Variants in MS4A13 observed in about 807,000 individuals in gnomAD.
The protein encoded by MS4A13 is membrane spanning 4-domains A13.
MS4A13 carries 21 observed loss-of-function variants against 18.4 expected under a neutral mutation model. That is an observed-to-expected ratio of 1.14 (90% CI 0.81 to 1.64). The LOEUF is 1.64. MS4A13 is among the 40% of genes most tolerant of loss of function. MS4A13 has a pLI of 0.00. For synonymous variants in MS4A13, 62 were observed against 57.2 expected (o/e 1.08, Z -0.38); for missense variants, 173 against 176.8 (o/e 0.98, Z 0.12).
At chr11:60,538,204 A>G (rs960319466) in intron 6 of MS4A13, among the ~76,000 whole-genome samples, 2 of 151,226 alleles carry the variant, frequency 1.3e-5, no homozygotes, top group Non-Finnish European at 3.0e-5. Flanking sequence ...AAAAAAAAAA[A>G]CAAAGTTGAA....
chr11:60,519,643 T>C (rs530168763), intron 3 of MS4A13, among the ~76,000 whole-genome samples: 6 of 152,228 alleles, frequency 3.9e-5, no homozygotes, highest in Non-Finnish European at 7.3e-5. Flanking sequence ...TATGCCTTCC[T>C]CAGGCCATGT....
intron 4 of MS4A13, among the ~76,000 whole-genome samples, 192 bp from the exon 5 acceptor site, chr11:60,525,015 T>C (rs1002353499): frequency 6.6e-6 from 1 of 152,208 alleles, no homozygotes; most frequent in East Asian, 1.9e-4. Flanking sequence ...AATGGACTGA[T>C]GGTGTTAATG....
At chr11:60,541,552 G>C (rs1031061437) in intron 6 of MS4A13, among the ~76,000 whole-genome samples, 5 of 152,040 alleles carry the variant, frequency 3.3e-5, no homozygotes, top group African/African-American at 1.2e-4. Flanking sequence ...TTTGAAACCA[G>C]GTAAAACTAA....
chr11:60,518,247 C>T, intron 3 of MS4A13, 35 bp downstream of exon 3: 2 of 1,522,750 alleles, frequency 1.3e-6, no homozygotes, highest in Non-Finnish European at 1.8e-6. Flanking sequence ...TTTAATCATA[C>T]AATAAATAAT....
At chr11:60,529,278 C>G in intron 5 of MS4A13, 87 bp from the exon 6 acceptor site, 1 of 109,892 alleles carries the variant, frequency 9.1e-6, no homozygotes, top group Non-Finnish European at 1.7e-5. Context: ...TTTTTTTTGA[C>G]TCTCATACCA....
chr11:60,528,160 TTTTAGC>T (rs1401896347), intron 5 of MS4A13, among the ~76,000 whole-genome samples: 2 of 147,148 alleles, frequency 1.4e-5, no homozygotes, highest in Non-Finnish European at 3.0e-5. Flanking sequence ...CAAATATGTA[TTTTAGC>T]TTTACTCTAC....
At chr11:60,531,299 C>T (rs182635624) in intron 6 of MS4A13, among the ~76,000 whole-genome samples, 66 of 152,272 alleles carry the variant, frequency 4.3e-4, no homozygotes, top group Non-Finnish European at 6.9e-4. Flanking sequence ...AAAAAATTTA[C>T]TAGCAACCAA....
In MS4A13 at chr11:60,529,439, A is replaced by T; in HGVS notation, c.381A>T (p.Ser127=). The change falls in exon 6 of 7, where the codon TCA becomes TCT. Residue 127 remains serine (S), a synonymous_variant. Transcript: ENST00000378186. ...AATTTTCTATTGCACTTACACACTC[A>T]ATATACAGCTGTTCCAATTTGGTAA... ...GLEFSIALTH[S]IYSCSNLFRR... is the part of the protein sequence containing the mutation. The T allele has an allele frequency of 1.2e-6, 2 of 1,603,972 alleles. No individual in the cohort carries two copies. Among genetic ancestry groups the T allele is most frequent in the Non-Finnish European group, 1.7e-6 (2 of 1,175,022 alleles).
intron 6 of MS4A13, among the ~76,000 whole-genome samples, chr11:60,540,329 C>T (rs1457377739): frequency 6.6e-6 from 1 of 152,098 alleles, no homozygotes. Flanking sequence ...GCTTGCCAAC[C>T]CTTCTTCAAT....
chr11:60,523,973 G>C lies in MS4A13; in HGVS notation c.186+20G>C. ...TCTGGAGTAAGTTGAAATGTTTGAG[G>C]TATCTCTAGAAATCACTTATCACAA... On this transcript the variant is annotated intron_variant, in intron 4 of 6. Coordinates refer to ENST00000378186, the MANE Select transcript of MS4A13 (RefSeq NM_001012417.3). 1 of 1,438,472 alleles carries C rather than the reference G, an allele frequency of 7.0e-7. No homozygotes were observed. Among genetic ancestry groups the C allele is most frequent in the Non-Finnish European group, 9.8e-7 (1 of 1,023,410 alleles). 89.1% of individuals were successfully genotyped at this position (1,438,472 alleles called of 1,614,324 possible).
chr11:60,529,383 T>C lies in MS4A13; in HGVS notation c.325T>C (p.Ser109Pro). ...GTTATAGAAACTTGGGAGGGAAGTATCACGTATTTTACTGTTCTTCTACGG... is the reference window on the plus strand; with the variant it reads ...GTTATAGAAACTTGGGAGGGAAGTACCACGTATTTTACTGTTCTTCTACGG... ...YGQAKLGREV[S>P]RILLFFYGLE... The change falls in exon 6 of 7, where the codon TCA becomes CCA. Residue 109 changes from serine to proline, a missense_variant. Transcript: ENST00000378186. 1 of 1,602,336 alleles carries C rather than the reference T, an allele frequency of 6.2e-7. No individual in the cohort carries two copies. Among genetic ancestry groups the C allele is most frequent in the Middle Eastern group, 1.7e-4 (1 of 5,738 alleles).
chr11:60,532,340 C>T lies in MS4A13; in HGVS notation c.402+2880C>T, dbSNP rs902515807. Among the ~76,000 whole-genome samples, 8 of 152,164 alleles carry T rather than the reference C, an allele frequency of 5.3e-5. No individual in the cohort carries two copies. The East Asian group carries it at 5.8e-4, about 11-fold the overall frequency. ...GCACCGTGCGCGAGCCGAAGCAGGG[C>T]GAGGCATTGCCTCACCTGGGAAGCT... On this transcript the variant is annotated intron_variant, in intron 6 of 6. Coordinates refer to ENST00000378186, the MANE Select transcript of MS4A13 (RefSeq NM_001012417.3).
At chr11:60,543,271 A>G (rs563617844), downstream of MS4A13, among the ~76,000 whole-genome samples, 1 of 152,302 alleles carries the variant, frequency 6.6e-6, no homozygotes, top group African/African-American at 2.4e-5. Flanking sequence ...ATGGAATATT[A>G]CTTCAGAAAG....
At chr11:60,532,428 C>T (rs556992354) in intron 6 of MS4A13, among the ~76,000 whole-genome samples, 15 of 152,184 alleles carry the variant, frequency 9.9e-5, no homozygotes, top group Admixed American at 5.9e-4. Context: ...CCTGGAAAAT[C>T]GGGTCACTCC....
At chr11:60,519,518 A>G (rs1184835331) in intron 3 of MS4A13, among the ~76,000 whole-genome samples, 9 of 152,150 alleles carry the variant, frequency 5.9e-5, no homozygotes, top group Admixed American at 5.9e-4. Flanking sequence ...GCAAGAGAAT[A>G]TGAAATAATC....
At chr11:60,527,035 G>A (rs895661028) in intron 5 of MS4A13, among the ~76,000 whole-genome samples, 1 of 151,956 alleles carries the variant, frequency 6.6e-6, no homozygotes, top group African/African-American at 2.4e-5. Flanking sequence ...TTTCTACTTG[G>A]CTATGTTTCT....
At chr11:60,532,651 G>C (rs1397561887) in intron 6 of MS4A13, among the ~76,000 whole-genome samples, 2 of 151,404 alleles carry the variant, frequency 1.3e-5, no homozygotes, top group Admixed American at 6.6e-5. Context: ...CTGGAAGCTC[G>C]AACTGGGTGG....
chr11:60,538,537 A>G (rs544311843), intron 6 of MS4A13, among the ~76,000 whole-genome samples: 6 of 151,980 alleles, frequency 3.9e-5, no homozygotes, highest in African/African-American at 1.4e-4. Flanking sequence ...CCATAAATAT[A>G]TCTGCAATGA....
At position 60,529,423 on chromosome 11, in the gene MS4A13, T is replaced by A; in HGVS notation, c.365T>A (p.Ile122Asn). The change falls in exon 6 of 7, where the codon ATT (isoleucine) becomes AAT (asparagine). Residue 122 changes from isoleucine to asparagine, a missense_variant. By Grantham distance (149) the Ile-to-Asn change is moderately radical. Coordinates refer to ENST00000378186, the MANE Select transcript of MS4A13 (RefSeq NM_001012417.3). The part of the protein sequence containing the change: ...LLFFYGLEFS[I>N]ALTHSIYSCS... The stretch of plus-strand genomic sequence containing the variant: ...TTCTTCTACGGTTTGGAATTTTCTA[T>A]TGCACTTACACACTCAATATACAGC... 1 of 1,610,710 alleles carries A rather than the reference T, an allele frequency of 6.2e-7. No individual in the cohort carries two copies. The highest frequency in any genetic ancestry group is 8.5e-7 in the Non-Finnish European group (1 of 1,178,412).
Sources: gnomAD v4.1 joint callset for allele counts (sites outside exome capture counted in the v4.1 genomes callset) on GRCh38, gnomAD v4.1.1 for gene constraint, MANE v1.5 for transcripts, NCBI Gene and HGNC (gene_info 2026-07-23, HGNC 2026-07-21) for gene names.